The following ZNF385D variants were observed in gnomAD, a reference collection of about 807,000 sequenced individuals.
ZNF385D encodes the protein zinc finger protein 659.
A neutral mutation model predicts 35.8 loss-of-function variants in ZNF385D; 15 were observed. That is an observed-to-expected ratio of 0.42 (90% confidence interval 0.28 to 0.64). The LOEUF is 0.64. Among genes scored for constraint, ZNF385D ranks in the 30% least tolerant of loss-of-function variants. The pLI is 0.23. For missense variants in ZNF385D, 474 were observed against 494.6 expected, an observed-to-expected ratio of 0.96 and a Z score of 0.39; for synonymous variants, 212 against 186.8, an observed-to-expected ratio of 1.13 and a Z score of -1.10.
intron 3 of ZNF385D, among the ~76,000 whole-genome samples, chr3:21,562,304 A>G (rs2062979398): frequency 6.6e-6 from 1 of 152,102 alleles, no homozygotes; most frequent in Non-Finnish European, 1.5e-5. Flanking sequence ...ATATAAAAAT[A>G]TGTATGTGTT....
In ZNF385D at chr3:22,113,498, G is replaced by A. The variant is rs1345153066; in HGVS notation, c.325+55319C>T. ...CTAACCTAAGATGATAGAAGGCCTG[G>A]GGAGAAATTAGATCTATAATAAACA... On this transcript the variant is annotated intron_variant, in intron 3 of 5. Transcript: ENST00000494108. 2.0e-5 allele frequency among the ~76,000 whole-genome samples: 3 copies of A among 152,096 alleles called. No homozygotes were observed. The East Asian group carries it at 5.8e-4, about 29-fold the overall frequency.
intron 3 of ZNF385D, among the ~76,000 whole-genome samples, chr3:21,972,415 T>G (rs1703313535): frequency 6.6e-6 from 1 of 151,874 alleles, no homozygotes; most frequent in South Asian, 2.1e-4. Flanking sequence ...ATACAAAAAC[T>G]TACGGGACAC....
chr3:21,481,895 T>C (rs1183077574), intron 4 of ZNF385D, among the ~76,000 whole-genome samples: 1 of 152,302 alleles, frequency 6.6e-6, no homozygotes, highest in East Asian at 1.9e-4. Context: ...TCATAATCCC[T>C]GTTCCAAATA....
At chr3:21,969,107 G>T (rs1249979772) in intron 3 of ZNF385D, among the ~76,000 whole-genome samples, 12 of 152,122 alleles carry the variant, frequency 7.9e-5, no homozygotes, top group Admixed American at 7.2e-4. Context: ...GGTAGTGGTG[G>T]TCATAGGGAG....
chr3:22,018,585 T>C (rs1442672219), intron 3 of ZNF385D, among the ~76,000 whole-genome samples: 1 of 152,082 alleles, frequency 6.6e-6, no homozygotes, highest in Non-Finnish European at 1.5e-5. Context: ...CTGCTTCTTC[T>C]CTATGACTTT....
At chr3:22,021,181 A>G (rs1697203883) in intron 3 of ZNF385D, among the ~76,000 whole-genome samples, 1 of 151,946 alleles carries the variant, frequency 6.6e-6, no homozygotes. Flanking sequence ...TAGATACTCT[A>G]AAAGCCCTGA....
intron 1 of ZNF385D, among the ~76,000 whole-genome samples, chr3:21,668,728 G>A (rs9828176): frequency 6.6e-6 from 1 of 152,136 alleles, no homozygotes. Context: ...TCAGCAACAA[G>A]AATACTATTT....
chr3:21,873,565 C>T lies in ZNF385D; in HGVS notation c.326-208537G>A, dbSNP rs576166099. ...ATTCTTAACTATAAGCACTATGTTA[C>T]ACAGCTGATCTGCAGAACTTTTGCA... On this transcript the variant is annotated intron_variant, in intron 3 of 5. Transcript: ENST00000494108. 7.9e-5 allele frequency among the ~76,000 whole-genome samples: 12 copies of T among 152,192 alleles called. No homozygotes were observed. In the East Asian group the frequency reaches 2.3e-3, roughly 29 times the overall value.
rs368614795 is a variant in ZNF385D at position 22,036,202 on chromosome 3, G to A, written c.325+132615C>T. On this transcript the variant is annotated intron_variant, in intron 3 of 5. Transcript: ENST00000494108. ...CTCAGGTGAAAGGGAAAGGATTCAT[G>A]GGGGTGAAGGTACTCAATTCTTCTC... Among the ~76,000 whole-genome samples, 222 of 152,254 alleles carry A rather than the reference G, an allele frequency of 1.5e-3. 8 individuals are homozygous for A. The South Asian group carries it at 0.045, about 31-fold the overall frequency.
chr3:22,129,606 C>A (rs923499436), intron 3 of ZNF385D, among the ~76,000 whole-genome samples: 2 of 152,270 alleles, frequency 1.3e-5, no homozygotes, highest in Middle Eastern at 3.4e-3. Flanking sequence ...ACGGCCATAA[C>A]TGACCCAGAT....
intron 3 of ZNF385D, among the ~76,000 whole-genome samples, chr3:22,060,242 T>C (rs1699622739): frequency 1.3e-5 from 2 of 152,188 alleles, no homozygotes; most frequent in African/African-American, 4.8e-5. Context: ...CATAATTATG[T>C]GAGCCAATTC....
chr3:21,687,902 G>GTT (rs953588009), intron 1 of ZNF385D, among the ~76,000 whole-genome samples: 1 of 147,520 alleles, frequency 6.8e-6, no homozygotes, highest in African/African-American at 2.5e-5. Context: ...AACAAAATCT[G>GTT]TTTTTTTTTT....
intron 3 of ZNF385D, among the ~76,000 whole-genome samples, chr3:21,791,834 A>C (rs2071941559): frequency 6.6e-6 from 1 of 152,082 alleles, no homozygotes. Flanking sequence ...TCCCTGGTTC[A>C]AGCAATTCTC....
At chr3:21,642,169 CA>C (rs1370878736) in intron 2 of ZNF385D, among the ~76,000 whole-genome samples, 1 of 152,100 alleles carries the variant, frequency 6.6e-6, no homozygotes, top group Non-Finnish European at 1.5e-5. Context: ...ACACCTAGTC[CA>C]ACCAGTCTTT....
intron 3 of ZNF385D, among the ~76,000 whole-genome samples, chr3:21,924,441 A>T (rs1700626032): frequency 6.6e-6 from 1 of 152,218 alleles, no homozygotes; most frequent in Admixed American, 6.5e-5. Flanking sequence ...CAAGGGACAG[A>T]AGAGGGGCAA....
rs534018011 is a variant in ZNF385D at position 22,171,750 on chromosome 3, G to A, written c.107-2715C>T. ...AAATTAGCCGGGCGTGGTGCCAGGC[G>A]CCTGTAGTTCCAGCTACTCGGGAGG... is the stretch of plus-strand genomic sequence containing the variant. On this transcript the variant is annotated intron_variant, in intron 2 of 5. Transcript: ENST00000494108. Among the ~76,000 whole-genome samples the A allele has an allele frequency of 3.3e-5, 5 of 151,778 alleles. No homozygotes were observed. The South Asian group carries it at 6.3e-4, about 19-fold the overall frequency.
At chr3:21,541,004 T>C (rs987513087) in intron 3 of ZNF385D, among the ~76,000 whole-genome samples, 1 of 152,170 alleles carries the variant, frequency 6.6e-6, no homozygotes, top group Admixed American at 6.5e-5. Context: ...TGAGGTTTGG[T>C]AGGCTTCATA....
rs180952088 is a variant in ZNF385D, at chr3:21,482,469, C to A, written c.439+28392G>T. Among the ~76,000 whole-genome samples the A allele has an allele frequency of 4.6e-5, 7 of 152,252 alleles. No individual in the cohort carries two copies. In the East Asian group the frequency reaches 9.7e-4, roughly 21 times the overall value. On this transcript the variant is annotated intron_variant, in intron 4 of 7. Coordinates refer to ENST00000281523, the MANE Select transcript of ZNF385D (RefSeq NM_024697.3). Reference sequence around the variant, plus strand: ...TTTACAGAAAAGGTTTAGAGGCAACCATTCCCTAAGTCATCCTTGCCCATG... The same window carrying A: ...TTTACAGAAAAGGTTTAGAGGCAACAATTCCCTAAGTCATCCTTGCCCATG...
At chr3:21,942,043 A>C (rs1287623192) in intron 3 of ZNF385D, among the ~76,000 whole-genome samples, 2 of 152,188 alleles carry the variant, frequency 1.3e-5, no homozygotes, top group Non-Finnish European at 2.9e-5. Context: ...TATATACAAC[A>C]TACACATGTG....
Sources: allele counts gnomAD v4.1 joint callset (sites outside exome capture counted in the v4.1 genomes callset), GRCh38; gene constraint gnomAD v4.1.1; transcripts MANE v1.5; gene names NCBI Gene and HGNC (gene_info 2026-07-23, HGNC 2026-07-21).